SMOC2: variants seen among roughly 807,000 people sequenced by gnomAD.
SMOC2 encodes the protein SPARC-related modular calcium-binding protein 2.
A neutral mutation model predicts 61.4 loss-of-function variants in SMOC2; 39 were observed. That is an observed-to-expected ratio of 0.64 (90% confidence interval 0.49 to 0.83). SMOC2 has a LOEUF of 0.83. Ranked by LOEUF, SMOC2 falls within the 40% of genes least tolerant of loss-of-function variation. SMOC2 has a pLI of 0.00. For synonymous variants in SMOC2, 247 were observed against 239.9 expected, an observed-to-expected ratio of 1.03 and a Z score of -0.27; for missense variants, 556 against 592.9, an observed-to-expected ratio of 0.94 and a Z score of 0.65.
rs143625716 is a variant in SMOC2, at chr6:168,450,694, C to T, written c.84+9240C>T. On this transcript the variant is annotated intron_variant, in intron 1 of 12. Transcript: ENST00000356284. ...GACACTTTCAGTTCCTTTTCTCCACCGGGTTCTGTTTGGAGCTTTGGTTCA... is the reference window on the plus strand; with the variant it reads ...GACACTTTCAGTTCCTTTTCTCCACTGGGTTCTGTTTGGAGCTTTGGTTCA... Among the ~76,000 whole-genome samples the T allele has an allele frequency of 2.2e-3, 331 of 152,236 alleles. 1 individual carries two copies. Among genetic ancestry groups the T allele is most frequent in the African/African-American group, 7.3e-3 (303 of 41,544 alleles).
At chr6:168,656,508 A>AG in intron 11 of SMOC2, among the ~76,000 whole-genome samples, 1 of 22,696 alleles carries the variant, frequency 4.4e-5, no homozygotes, top group Admixed American at 4.1e-4. Flanking sequence ...ACTTTGTGTT[A>AG]AAAAAAAAAA....
intron 9 of SMOC2, among the ~76,000 whole-genome samples, chr6:168,636,206 G>A (rs1004813931): frequency 7.2e-5 from 11 of 152,102 alleles, no homozygotes; most frequent in African/African-American, 2.4e-4. Context: ...CTCATTCCTG[G>A]GAGTCATTTA....
intron 1 of SMOC2, among the ~76,000 whole-genome samples, chr6:168,492,341 G>C (rs1412822037): frequency 6.6e-6 from 1 of 152,184 alleles, no homozygotes; most frequent in Non-Finnish European, 1.5e-5. Context: ...CCTTTCCATA[G>C]TTTTCAGTTC....
At chr6:168,625,197 C>T (rs1314911169) in intron 9 of SMOC2, among the ~76,000 whole-genome samples, 1 of 152,202 alleles carries the variant, frequency 6.6e-6, no homozygotes, top group Admixed American at 6.5e-5. Context: ...GCACGTGGGT[C>T]GTCCTCACCG....
At chr6:168,513,561 A>G (rs1462482694) in intron 2 of SMOC2, among the ~76,000 whole-genome samples, 1 of 152,222 alleles carries the variant, frequency 6.6e-6, no homozygotes, top group African/African-American at 2.4e-5. Context: ...ACTGATATTT[A>G]CTAAGCAGCT....
chr6:168,586,954 CT>C (rs1785060671), intron 7 of SMOC2, among the ~76,000 whole-genome samples: 1 of 152,136 alleles, frequency 6.6e-6, no homozygotes, highest in African/African-American at 2.4e-5. Context: ...TAGCTATAGA[CT>C]TTTCAAATAT....
At chr6:168,582,821 GC>G (rs2115161377) in intron 7 of SMOC2, among the ~76,000 whole-genome samples, 1 of 152,290 alleles carries the variant, frequency 6.6e-6, no homozygotes, top group South Asian at 2.1e-4. Flanking sequence ...GAACCGACAC[GC>G]ACGGGGAAGA....
chr6:168,444,014 A>G (rs1236917390), intron 1 of SMOC2, among the ~76,000 whole-genome samples: 1 of 152,248 alleles, frequency 6.6e-6, no homozygotes, highest in Non-Finnish European at 1.5e-5. Flanking sequence ...GATGGTGCCC[A>G]TGCCGTGGGT....
intron 1 of SMOC2, among the ~76,000 whole-genome samples, chr6:168,477,908 C>A (rs774910665): frequency 9.8e-5 from 15 of 152,294 alleles, no homozygotes; most frequent in African/African-American, 3.6e-4. Context: ...ATTCTTCTTA[C>A]GACCCAGTGA....
rs956890707 is a variant in SMOC2, at chr6:168,452,957, G to C, written c.84+11503G>C. 3.3e-5 allele frequency among the ~76,000 whole-genome samples: 5 copies of C among 152,136 alleles called. No homozygotes were observed. The highest frequency in any genetic ancestry group is 1.2e-4 in the African/African-American group (5 of 41,402). ...CTCCACGCAGGACCCCCTTCTCCCA[G>C]TGGCTCTGACAGCAGGGGCAGGACG... On this transcript the variant is annotated intron_variant, in intron 1 of 12. Transcript: ENST00000356284. The surrounding 1 kb of genome is among the most constrained non-coding windows in gnomAD (Gnocchi z 5.0).
At chr6:168,455,531 A>C (rs1284779791) in intron 1 of SMOC2, among the ~76,000 whole-genome samples, 1 of 152,106 alleles carries the variant, frequency 6.6e-6, no homozygotes, top group Non-Finnish European at 1.5e-5. Flanking sequence ...AAAAATGTTC[A>C]TGTTTATACT....
At chr6:168,517,242 TCTGCAGAG>T (rs1292219637) in intron 2 of SMOC2, among the ~76,000 whole-genome samples, 1 of 152,188 alleles carries the variant, frequency 6.6e-6, no homozygotes, top group East Asian at 1.9e-4. Flanking sequence ...CTCTGTAGCT[TCTGCAGAG>T]CTGGGGTGGG....
intron 7 of SMOC2, among the ~76,000 whole-genome samples, chr6:168,562,881 G>A (rs1388645460): frequency 1.3e-5 from 2 of 152,192 alleles, no homozygotes; most frequent in South Asian, 2.1e-4. Context: ...TCAGGAGGGG[G>A]TAGATCATCA....
chr6:168,538,727 G>A (rs1230437728), intron 4 of SMOC2, among the ~76,000 whole-genome samples: 2 of 124,918 alleles, frequency 1.6e-5, no homozygotes, highest in African/African-American at 3.1e-5. Flanking sequence ...TGGGGTGACC[G>A]CTACTGGAAT....
intron 1 of SMOC2, among the ~76,000 whole-genome samples, chr6:168,464,711 T>C (rs2763224): frequency 0.74 from 111,871 of 152,130 alleles, 41,599 homozygotes; most frequent in African/African-American, 0.83. Context: ...TATCGTTGAA[T>C]GTGTAAATAG....
intron 7 of SMOC2, among the ~76,000 whole-genome samples, chr6:168,584,639 C>G (rs1304446571): frequency 7.6e-6 from 1 of 131,856 alleles, no homozygotes; most frequent in Non-Finnish European, 1.8e-5. Flanking sequence ...TAAGACCTAC[C>G]GAACAGGCAA....
At chr6:168,502,284 CTTG>C (rs1782749268) in intron 1 of SMOC2, among the ~76,000 whole-genome samples, 1 of 152,224 alleles carries the variant, frequency 6.6e-6, no homozygotes, top group South Asian at 2.1e-4. Context: ...AACAGGAATC[CTTG>C]TTATCACCTC....
At position 168,553,767 on chromosome 6, in the gene SMOC2, G is replaced by GCCATTTGCCA. The variant is rs942498843; in HGVS notation, c.637+4575_637+4584dup. On this transcript the variant is annotated intron_variant, in intron 7 of 12. Transcript: ENST00000356284. This position sits in a 1 kb window ranked among gnomAD's most constrained non-coding sequence, Gnocchi z 4.2. ...ACGGGACGGTTTCTGTATCACGGTT[G>GCCATTTGCCA]CCATTTGCCACCATTTGCCATAGTG... is the stretch of plus-strand genomic sequence containing the variant. Among the ~76,000 whole-genome samples, 2 of 152,206 alleles carry GCCATTTGCCA rather than the reference G, an allele frequency of 1.3e-5. No individual in the cohort carries two copies. Among genetic ancestry groups the GCCATTTGCCA allele is most frequent in the African/African-American group, 2.4e-5 (1 of 41,440 alleles).
intron 4 of SMOC2, among the ~76,000 whole-genome samples, chr6:168,540,083 G>A (rs1783844521): frequency 6.6e-6 from 1 of 152,244 alleles, no homozygotes; most frequent in Non-Finnish European, 1.5e-5. Context: ...GTACACGGTT[G>A]CAATAGACAT....
Sources: allele counts gnomAD v4.1 joint callset (sites outside exome capture counted in the v4.1 genomes callset), GRCh38; gene constraint gnomAD v4.1.1; non-coding constraint Gnocchi (gnomAD v3.1); transcripts MANE v1.5; gene names NCBI Gene and HGNC (gene_info 2026-07-23, HGNC 2026-07-21).